The following KIRREL3 variants were observed in gnomAD, a reference collection of about 807,000 sequenced individuals.
The protein encoded by KIRREL3 is kirre like nephrin family adhesion molecule 3.
In KIRREL3, 36 loss-of-function variants were observed where a neutral mutation model predicts 89.7. The observed-to-expected ratio is 0.40, with a 90% confidence interval of 0.31 to 0.53. The LOEUF is 0.53. KIRREL3 is among the 20% of genes least tolerant of loss of function. KIRREL3 has a pLI of 0.49. For synonymous variants in KIRREL3, 445 were observed against 441.4 expected (o/e 1.01, Z -0.10); for missense variants, 864 against 1,056.6 (o/e 0.82, Z 2.53).
intron 1 of KIRREL3, among the ~76,000 whole-genome samples, chr11:126,816,831 C>T (rs542488997): frequency 1.3e-5 from 2 of 152,252 alleles, no homozygotes; most frequent in Non-Finnish European, 2.9e-5. Context: ...AATAATCGTT[C>T]AGGAAACAAA....
At chr11:126,971,045 A>G (rs1383246853) in intron 1 of KIRREL3, among the ~76,000 whole-genome samples, 1 of 151,862 alleles carries the variant, frequency 6.6e-6, no homozygotes, top group Admixed American at 6.6e-5. Context: ...ATTGTTCCCC[A>G]CTCTCAACAG....
At position 126,519,283 on chromosome 11, in the gene KIRREL3, C is replaced by A. The variant is rs1388519537; in HGVS notation, c.433+2032G>T. 1.3e-5 allele frequency among the ~76,000 whole-genome samples: 2 copies of A among 152,152 alleles called. No homozygotes were observed. Among genetic ancestry groups the A allele is most frequent in the Non-Finnish European group, 2.9e-5 (2 of 68,034 alleles). ...GAAGCCTGGCCCCTCACCAGCCAGA[C>A]AGATGAGATGCTGCTGGCATCTGGG... On this transcript the variant is annotated intron_variant, in intron 4 of 16. Transcript: ENST00000525144. The surrounding 1 kb of genome is among the most constrained non-coding windows in gnomAD (Gnocchi z 4.3).
chr11:126,919,984 CA>C (rs1947204207), intron 1 of KIRREL3, among the ~76,000 whole-genome samples: 2 of 152,332 alleles, frequency 1.3e-5, no homozygotes, highest in South Asian at 4.1e-4. Context: ...ACAATGACTA[CA>C]TACCTGATAT....
chr11:126,534,555 G>A (rs552526601), intron 2 of KIRREL3, among the ~76,000 whole-genome samples: 20 of 152,338 alleles, frequency 1.3e-4, no homozygotes, highest in African/African-American at 4.8e-4. Flanking sequence ...TTGTCTCTGA[G>A]TGAGAGTCCC....
chr11:126,558,781 G>A lies in KIRREL3; in HGVS notation c.133+4054C>T, dbSNP rs57177351. Among the ~76,000 whole-genome samples, 12,112 of 152,142 alleles carry A rather than the reference G, an allele frequency of 0.08. 1,336 individuals carry two copies. The highest frequency in any genetic ancestry group is 0.25 in the African/African-American group (10,455 of 41,458). On this transcript the variant is annotated intron_variant, in intron 2 of 16. Coordinates refer to ENST00000525144, the MANE Select transcript of KIRREL3 (RefSeq NM_032531.4). This position sits in a 1 kb window ranked among gnomAD's most constrained non-coding sequence, Gnocchi z 4.0. ...ATCTCCAGGAGAGAGAGGTCATAAA[G>A]GGGGAGGGCCAGGAAGGGGAGGTGA...
rs1382747313 is a variant in KIRREL3 at position 126,970,723 on chromosome 11, G to T, written c.55+29732C>A. 6.6e-6 allele frequency among the ~76,000 whole-genome samples: 1 copy of T among 152,146 alleles called. No individual in the cohort carries two copies. Among genetic ancestry groups the T allele is most frequent in the African/African-American group, 2.4e-5 (1 of 41,430 alleles). ...ATACAGCATTTCAACCACATCCCTA[G>T]TTAAGTAAAATTTTGTGAATTAGTG... On this transcript the variant is annotated intron_variant, in intron 1 of 16. Transcript: ENST00000525144. This position sits in a 1 kb window ranked among gnomAD's most constrained non-coding sequence, Gnocchi z 4.4.
Position 126,606,468 on chromosome 11 carries a change from G to T in KIRREL3, c.56-43556C>A, listed in dbSNP as rs1469689299. ...GGAACACAGACCCAATAAATGTTAA[G>T]AATTATTAAGTTGTCGATTTCACAG... On this transcript the variant is annotated intron_variant, in intron 1 of 16. Transcript: ENST00000525144. This position sits in a 1 kb window ranked among gnomAD's most constrained non-coding sequence, Gnocchi z 4.6. 6.6e-6 allele frequency among the ~76,000 whole-genome samples: 1 copy of T among 152,164 alleles called. No individual in the cohort carries two copies. Among genetic ancestry groups the T allele is most frequent in the Admixed American group, 6.5e-5 (1 of 15,282 alleles).
chr11:126,869,944 G>C (rs1339150656), intron 1 of KIRREL3, among the ~76,000 whole-genome samples: 7 of 152,144 alleles, frequency 4.6e-5, no homozygotes, highest in African/African-American at 1.4e-4. Flanking sequence ...ACCTTGTAAT[G>C]GGTTCATTAT....
At chr11:126,482,329 G>A (rs1010752445) in intron 4 of KIRREL3, among the ~76,000 whole-genome samples, 2 of 152,150 alleles carry the variant, frequency 1.3e-5, no homozygotes, top group East Asian at 1.9e-4. Context: ...ATGAACCACC[G>A]TGCCGGGCCT....
rs1481565464 is a variant in KIRREL3 at position 126,904,723 on chromosome 11, T to G, written c.55+95732A>C. On this transcript the variant is annotated intron_variant, in intron 1 of 16. Transcript: ENST00000525144. This position sits in a 1 kb window ranked among gnomAD's most constrained non-coding sequence, Gnocchi z 4.4. ...GGGTAGGGGGTCAAAGGAGGAAGTA[T>G]GCATAATGTACATATTTAATCTTGT... Among the ~76,000 whole-genome samples, 1 of 152,178 alleles carries G rather than the reference T, an allele frequency of 6.6e-6. No homozygotes were observed. The highest frequency in any genetic ancestry group is 2.4e-5 in the African/African-American group (1 of 41,440).
chr11:126,441,051 A>C lies in KIRREL3; in HGVS notation c.1253-502T>G, dbSNP rs1955545548. On this transcript the variant is annotated intron_variant, in intron 10 of 16. Transcript: ENST00000525144. The surrounding 1 kb of genome is among the most constrained non-coding windows in gnomAD (Gnocchi z 5.0). Reference sequence around the variant, plus strand: ...TAACAAATGGGAGCTGCTCGGCCAGACGGGCCAACGGGAAGAAATGGTTGC... The same window carrying C: ...TAACAAATGGGAGCTGCTCGGCCAGCCGGGCCAACGGGAAGAAATGGTTGC... Among the ~76,000 whole-genome samples, 1 of 152,212 alleles carries C rather than the reference A, an allele frequency of 6.6e-6. No homozygotes were observed. The highest frequency in any genetic ancestry group is 1.5e-5 in the Non-Finnish European group (1 of 68,030).
In KIRREL3 at chr11:126,574,675, G is replaced by A. The variant is rs752812095; in HGVS notation, c.56-11763C>T. Among the ~76,000 whole-genome samples the A allele has an allele frequency of 4.6e-5, 7 of 152,162 alleles. No individual in the cohort carries two copies. The highest frequency in any genetic ancestry group is 1.0e-4 in the Non-Finnish European group (7 of 68,038). On this transcript the variant is annotated intron_variant, in intron 1 of 16. Transcript: ENST00000525144. The surrounding 1 kb of genome is among the most constrained non-coding windows in gnomAD (Gnocchi z 5.3). ...GACGAGGGTGGCTGGGATAGTGTGT[G>A]CTTACATGTGTGCACGCATTTGGAG...
Position 126,471,848 on chromosome 11 carries a change from T to A in KIRREL3, c.591+1461A>T, listed in dbSNP as rs1258782299. The stretch of plus-strand genomic sequence containing the variant: ...CAAAGCATCATAAAATACACAACAT[T>A]TTAAAGACACAATTAATACGGGGGC... On this transcript the variant is annotated intron_variant, in intron 5 of 16. Transcript: ENST00000525144. This position sits in a 1 kb window ranked among gnomAD's most constrained non-coding sequence, Gnocchi z 5.4. 6.6e-6 allele frequency among the ~76,000 whole-genome samples: 1 copy of A among 152,160 alleles called. No homozygotes were observed. Among genetic ancestry groups the A allele is most frequent in the Admixed American group, 6.5e-5 (1 of 15,284 alleles).
chr11:126,433,030 C>T (rs1307888466), intron 13 of KIRREL3, among the ~76,000 whole-genome samples: 1 of 152,208 alleles, frequency 6.6e-6, no homozygotes, highest in Non-Finnish European at 1.5e-5. Context: ...AGGCACATGC[C>T]ACCATGCCTG....
chr11:126,569,542 C>CTATAG lies in KIRREL3; in HGVS notation c.56-6631_56-6630insCTATA, dbSNP rs1203030578. The stretch of plus-strand genomic sequence containing the variant: ...GAGAAAAAAATAGTAGGCAAACTTC[C>CTATAG]TAGCCCAAAGATACTATAATCCAGT... On this transcript the variant is annotated intron_variant, in intron 1 of 16. Transcript: ENST00000525144. The surrounding 1 kb of genome is among the most constrained non-coding windows in gnomAD (Gnocchi z 6.5). Among the ~76,000 whole-genome samples the CTATAG allele has an allele frequency of 6.6e-6, 1 of 152,152 alleles. No individual in the cohort carries two copies. Among genetic ancestry groups the CTATAG allele is most frequent in the East Asian group, 1.9e-4 (1 of 5,192 alleles).
chr11:126,549,372 C>T (rs1363088587), intron 2 of KIRREL3: 1 of 152,176 alleles, frequency 6.6e-6, no homozygotes, highest in Non-Finnish European at 1.5e-5. Flanking sequence ...CTGGTTCCTA[C>T]TTCCAGAGCA....
In KIRREL3 at chr11:126,918,782, G is replaced by A. The variant is rs551895125; in HGVS notation, c.55+81673C>T. Among the ~76,000 whole-genome samples the A allele has an allele frequency of 6.6e-5, 10 of 152,224 alleles. No homozygotes were observed. Among genetic ancestry groups the A allele is most frequent in the African/African-American group, 2.4e-4 (10 of 41,554 alleles). ...CAGCCATTGTAATCAATTGCAGGGT[G>A]TGCAAGGCCTTCCTGATGTCTGCAT... On this transcript the variant is annotated intron_variant, in intron 1 of 16. Coordinates refer to ENST00000525144, the MANE Select transcript of KIRREL3 (RefSeq NM_032531.4). This position sits in a 1 kb window ranked among gnomAD's most constrained non-coding sequence, Gnocchi z 6.5.
In KIRREL3 at chr11:126,685,552, T is replaced by C. The variant is rs1004274496; in HGVS notation, c.56-122640A>G. Among the ~76,000 whole-genome samples the C allele has an allele frequency of 6.6e-6, 1 of 152,214 alleles. No homozygotes were observed. The highest frequency in any genetic ancestry group is 1.5e-5 in the Non-Finnish European group (1 of 68,036). On this transcript the variant is annotated intron_variant, in intron 1 of 16. Transcript: ENST00000525144. The surrounding 1 kb of genome is among the most constrained non-coding windows in gnomAD (Gnocchi z 5.5). ...TAGTTAATGAGATTAAATTAATTAT[T>C]ATTTTAATTATGACATGTTTTCCTC...
rs1949582234 is a variant in KIRREL3 at position 126,976,550 on chromosome 11, C to T, written c.55+23905G>A. 6.6e-6 allele frequency among the ~76,000 whole-genome samples: 1 copy of T among 152,136 alleles called. No individual in the cohort carries two copies. The highest frequency in any genetic ancestry group is 1.5e-5 in the Non-Finnish European group (1 of 68,028). On this transcript the variant is annotated intron_variant, in intron 1 of 16. Coordinates refer to ENST00000525144, the MANE Select transcript of KIRREL3 (RefSeq NM_032531.4). This position sits in a 1 kb window ranked among gnomAD's most constrained non-coding sequence, Gnocchi z 4.2. Reference sequence around the variant, plus strand: ...CAGTATTTCTTGACTATTATTCACCCAGAATGGTACCAGGATCATATTTTC... The same window carrying T: ...CAGTATTTCTTGACTATTATTCACCTAGAATGGTACCAGGATCATATTTTC...
Sources: gnomAD v4.1 joint callset for allele counts (sites outside exome capture counted in the v4.1 genomes callset) on GRCh38, gnomAD v4.1.1 for gene constraint, Gnocchi (gnomAD v3.1) non-coding constraint, MANE v1.5 for transcripts, NCBI Gene and HGNC (gene_info 2026-07-23, HGNC 2026-07-21) for gene names.